Variants in CENPW observed in about 807,000 individuals in gnomAD.
The protein encoded by CENPW is cancer-up-regulated gene 2 protein.
CENPW carries 3 observed loss-of-function variants against 11.1 expected under a neutral mutation model. The ratio of observed to expected loss-of-function variants is 0.27; its 90% CI spans 0.12 to 0.70. The LOEUF (loss-of-function observed/expected upper bound fraction) is 0.70. Among genes scored for constraint, CENPW ranks in the 30% least tolerant of loss-of-function variants. The pLI is 0.77. For missense variants in CENPW, 100 were observed against 105.6 expected (o/e 0.95, Z 0.23); for synonymous variants, 38 against 42.0 (o/e 0.91, Z 0.37).
the CENPW span, among the ~76,000 whole-genome samples, chr6:126,434,185 T>C: frequency 1.3e-5 from 2 of 152,136 alleles, no homozygotes; most frequent in Non-Finnish European, 2.9e-5. Flanking sequence ...AGAGTTATGG[T>C]AGTGCTATCC....
chr6:126,386,733 G>A, the CENPW span, among the ~76,000 whole-genome samples: 3 of 151,866 alleles, frequency 2.0e-5, no homozygotes, highest in African/African-American at 7.2e-5. Context: ...CTACAAGTTA[G>A]CTTCTTCCAG....
downstream of CENPW, among the ~76,000 whole-genome samples, chr6:126,351,221 ATAT>A (rs1297542682): frequency 1.3e-5 from 2 of 151,276 alleles, no homozygotes; most frequent in African/African-American, 4.9e-5. Context: ...GAAGTAGGTG[ATAT>A]TATCCGTGTG....
chr6:126,447,164 G>C, the CENPW span, among the ~76,000 whole-genome samples: 33 of 151,252 alleles, frequency 2.2e-4, no homozygotes, highest in African/African-American at 7.5e-4. Context: ...CAGAGGCTTA[G>C]CTCCAGAGAT....
At chr6:126,388,489 T>C in the CENPW span, among the ~76,000 whole-genome samples, 1 of 152,022 alleles carries the variant, frequency 6.6e-6, no homozygotes, top group East Asian at 1.9e-4. Context: ...CTTGTTGTCA[T>C]AGTGAATACC....
the CENPW span, among the ~76,000 whole-genome samples, chr6:126,435,856 T>A: frequency 6.6e-6 from 1 of 151,918 alleles, no homozygotes; most frequent in Non-Finnish European, 1.5e-5. Context: ...TGCTTCACTG[T>A]TTGTTTTTTG....
At chr6:126,349,876 A>T (rs571051018), downstream of CENPW, among the ~76,000 whole-genome samples, 4 of 152,090 alleles carry the variant, frequency 2.6e-5, no homozygotes, top group Admixed American at 2.0e-4. Context: ...TAAAAGACTG[A>T]ATCTTGCTGT....
At chr6:126,469,123 T>C in the CENPW span, among the ~76,000 whole-genome samples, 1 of 152,152 alleles carries the variant, frequency 6.6e-6, no homozygotes, top group Non-Finnish European at 1.5e-5. Flanking sequence ...ATCTATGTTA[T>C]ATGGTTTGGC....
At chr6:126,480,241 C>T in the CENPW span, among the ~76,000 whole-genome samples, 2 of 151,730 alleles carry the variant, frequency 1.3e-5, no homozygotes, top group African/African-American at 4.8e-5. Flanking sequence ...TCCAGAGGGT[C>T]AAGGAAAGGG....
the CENPW span, among the ~76,000 whole-genome samples, chr6:126,372,466 T>C: frequency 6.6e-6 from 1 of 152,164 alleles, no homozygotes; most frequent in African/African-American, 2.4e-5. Context: ...TCTCAGTTGA[T>C]GGTAAGCCTT....
chr6:126,357,122 G>C, the CENPW span, among the ~76,000 whole-genome samples: 1 of 151,932 alleles, frequency 6.6e-6, no homozygotes, highest in Non-Finnish European at 1.5e-5. Context: ...TTTATATGGC[G>C]TAGGAGTGCA....
chr6:126,393,864 C>G, the CENPW span, among the ~76,000 whole-genome samples: 1 of 151,304 alleles, frequency 6.6e-6, no homozygotes, highest in African/African-American at 2.4e-5. Flanking sequence ...TATATTGACT[C>G]CTTTATCATT....
At chr6:126,447,082 A>C in the CENPW span, among the ~76,000 whole-genome samples, 1 of 151,200 alleles carries the variant, frequency 6.6e-6, no homozygotes, top group African/African-American at 2.4e-5. Flanking sequence ...TGTGGAGTGG[A>C]AAGAACAATA....
At chr6:126,459,945 TC>T in the CENPW span, among the ~76,000 whole-genome samples, 1 of 151,598 alleles carries the variant, frequency 6.6e-6, no homozygotes. Context: ...AAGCCTTTTT[TC>T]TTTGGTGGTT....
chr6:126,465,845 G>A, the CENPW span, among the ~76,000 whole-genome samples: 16 of 152,074 alleles, frequency 1.1e-4, no homozygotes, highest in Admixed American at 1.3e-4. Flanking sequence ...AAACAAAGAC[G>A]TAAAACTTAT....
intron 1 of CENPW, 100 bp downstream of exon 1, chr6:126,340,499 C>T (rs1780282756): frequency 1.3e-6 from 2 of 1,558,620 alleles, no homozygotes; most frequent in Non-Finnish European, 1.8e-6. Context: ...ATTTATAGCT[C>T]TTTCAGGCCC....
the CENPW span, among the ~76,000 whole-genome samples, chr6:126,418,164 G>A: frequency 4.1e-4 from 62 of 152,256 alleles, no homozygotes; most frequent in Non-Finnish European, 6.8e-4. Flanking sequence ...AAAATGGTGC[G>A]TCTACTTTGT....
chr6:126,404,854 G>GTT, the CENPW span, among the ~76,000 whole-genome samples: 3 of 137,784 alleles, frequency 2.2e-5, no homozygotes, highest in Non-Finnish European at 4.7e-5. Flanking sequence ...AAGTATTTGG[G>GTT]TTTTTTTTTT....
At chr6:126,466,908 A>T in the CENPW span, among the ~76,000 whole-genome samples, 4 of 152,278 alleles carry the variant, frequency 2.6e-5, no homozygotes, top group South Asian at 8.3e-4. Flanking sequence ...AAAGAATAAA[A>T]CACCTAGGAA....
At chr6:126,474,795 A>G in the CENPW span, among the ~76,000 whole-genome samples, 10 of 152,314 alleles carry the variant, frequency 6.6e-5, no homozygotes, top group South Asian at 8.3e-4. Context: ...CAAGATTTCT[A>G]AAAGTAACTG....
Sources: gnomAD v4.1 joint callset for allele counts (sites outside exome capture counted in the v4.1 genomes callset) on GRCh38, gnomAD v4.1.1 for gene constraint, MANE v1.5 for transcripts, NCBI Gene and HGNC (gene_info 2026-07-23, HGNC 2026-07-21) for gene names.